Variants in TNRC6C observed in about 807,000 individuals in gnomAD.
TNRC6C encodes trinucleotide repeat containing adaptor 6C, also known as trinucleotide repeat-containing gene 6C protein.
TNRC6C carries 20 observed loss-of-function variants against 153.7 expected under a neutral mutation model. The observed-to-expected ratio is 0.13, with a 90% CI of 0.09 to 0.19. The LOEUF (loss-of-function observed/expected upper bound fraction) is 0.19. Among genes scored for constraint, TNRC6C ranks in the 10% least tolerant of loss-of-function variants. The probability of loss-of-function intolerance (pLI) is 1.00; values close to 1 mark genes in which losing one functional copy is unlikely to be tolerated. For missense variants in TNRC6C, 1,987 were observed against 2,172.0 expected (o/e 0.91, Z 1.69); for synonymous variants, 811 against 841.4 (o/e 0.96, Z 0.63).
In TNRC6C at chr17:78,051,141, CG is replaced by C; in HGVS notation, c.2085del (p.Pro696ArgfsTer47). 2 of 1,575,694 alleles carry C rather than the reference CG, an allele frequency of 1.3e-6. No homozygotes were observed. Among genetic ancestry groups the C allele is most frequent in the South Asian group, 1.2e-5 (1 of 83,696 alleles). ...TGAAACAGACAGGAACAGGGTGGAT[CG>C]GGGGGCCGGTACCGGTCAAACAGAA... is the stretch of plus-strand genomic sequence containing the variant. On this transcript the variant is annotated frameshift_variant, in exon 3 of 20. Coordinates refer to ENST00000301624, the Ensembl canonical transcript of TNRC6C. LOFTEE classifies it high-confidence loss of function.
intron 2 of TNRC6C, among the ~76,000 whole-genome samples, chr17:78,042,199 C>T (rs1405925884): frequency 6.6e-6 from 1 of 152,190 alleles, no homozygotes; most frequent in Non-Finnish European, 1.5e-5. Context: ...AACCACTTAA[C>T]AGCAGAAGAA....
At chr17:77,997,143 G>C (rs1198428364) in intron 1 of TNRC6C, among the ~76,000 whole-genome samples, 1 of 152,210 alleles carries the variant, frequency 6.6e-6, no homozygotes, top group Non-Finnish European at 1.5e-5. Context: ...CTTAAGAAGC[G>C]TGGTCAGTTC....
intron 17 of TNRC6C, among the ~76,000 whole-genome samples, chr17:78,100,770 C>CTTTTTTTTT (rs56816459): frequency 1.2e-4 from 12 of 104,028 alleles, no homozygotes; most frequent in East Asian, 2.6e-4. Flanking sequence ...ATGGGATTTC[C>CTTTTTTTTT]TTTTTTTTTT....
At chr17:78,099,372 G>T (rs1487568140) in intron 17 of TNRC6C, among the ~76,000 whole-genome samples, 1 of 152,190 alleles carries the variant, frequency 6.6e-6, no homozygotes, top group Non-Finnish European at 1.5e-5. Context: ...AGACATACCC[G>T]AGACTGGGCA....
chr17:78,031,445 C>T, intron 1 of TNRC6C, 71 bp from the exon 4 acceptor site: 2 of 1,144,894 alleles, frequency 1.7e-6, no homozygotes, highest in Non-Finnish European at 2.2e-6. Context: ...GTTATGGTTT[C>T]CTTGGTTTGG....
chr17:77,968,142 C>G (rs960386457), intron 1 of TNRC6C, among the ~76,000 whole-genome samples: 1 of 152,146 alleles, frequency 6.6e-6, no homozygotes, highest in African/African-American at 2.4e-5. Flanking sequence ...AAGCGATTCT[C>G]CTCCCTCAGC....
intron 1 of TNRC6C, among the ~76,000 whole-genome samples, chr17:78,017,317 T>TC (rs72080602): frequency 0.071 from 10,779 of 152,244 alleles, 958 homozygotes; most frequent in African/African-American, 0.22. Context: ...GTGCTCCCAC[T>TC]CCTGCTCTCC....
At chr17:78,041,731 C>T (rs929935672) in intron 2 of TNRC6C, among the ~76,000 whole-genome samples, 1 of 152,168 alleles carries the variant, frequency 6.6e-6, no homozygotes, top group Non-Finnish European at 1.5e-5. Context: ...GCTGTTGTAG[C>T]ATTTATCCTG....
intron 1 of TNRC6C, among the ~76,000 whole-genome samples, chr17:78,006,554 T>TCTTCTTCTTCTTC (rs1567910982): frequency 6.3e-5 from 4 of 63,556 alleles, no homozygotes; most frequent in African/African-American, 1.9e-4. Flanking sequence ...TTCTTCTTCT[T>TCTTCTTCTTCTTC]CTTCTTCCTT....
intron 1 of TNRC6C, among the ~76,000 whole-genome samples, chr17:77,976,789 C>T (rs1485458223): frequency 2.0e-5 from 3 of 151,616 alleles, no homozygotes; most frequent in African/African-American, 4.8e-5. Context: ...ATTATCTGGG[C>T]GTGGTGGCAG....
exon 14 of TNRC6C, chr17:78,091,594 C>A (rs1287010511): frequency 1.9e-6 from 3 of 1,556,128 alleles, no homozygotes; most frequent in East Asian, 2.4e-5. Flanking sequence ...TGGAGCAGAA[C>A]CCTAGCAAGC....
At chr17:78,038,213 A>G (rs1390449303) in intron 2 of TNRC6C, among the ~76,000 whole-genome samples, 1 of 152,256 alleles carries the variant, frequency 6.6e-6, no homozygotes, top group Admixed American at 6.5e-5. Context: ...GAATATGAAT[A>G]AAATCTGAGA....
At position 78,051,690 on chromosome 17, in the gene TNRC6C, G is replaced by A. The variant is rs1451077354; in HGVS notation, c.2395+233G>A. ...TTAAGCACACTCAGTAGAACATCAA[G>A]CGAATGTTTTGGTGGTGGCGGTGGT... On this transcript the variant is annotated intron_variant, in intron 3 of 19. Transcript: ENST00000301624. Among the ~76,000 whole-genome samples, 6 of 152,138 alleles carry A rather than the reference G, an allele frequency of 3.9e-5. No homozygotes were observed. The South Asian group carries it at 1.0e-3, about 26-fold the overall frequency.
intron 1 of TNRC6C, among the ~76,000 whole-genome samples, chr17:77,961,071 T>C (rs537677110): frequency 4.6e-5 from 7 of 152,060 alleles, no homozygotes; most frequent in African/African-American, 1.7e-4. Context: ...GTTTTTATTA[T>C]AAGGATCTGA....
At chr17:77,983,275 A>G (rs1029923721) in intron 1 of TNRC6C, among the ~76,000 whole-genome samples, 1 of 152,210 alleles carries the variant, frequency 6.6e-6, no homozygotes, top group Non-Finnish European at 1.5e-5. Flanking sequence ...CAGAGGACAC[A>G]GAAAGGTTCC....
chr17:77,971,494 C>T (rs981341820), intron 1 of TNRC6C, among the ~76,000 whole-genome samples: 2 of 152,164 alleles, frequency 1.3e-5, no homozygotes, highest in Non-Finnish European at 2.9e-5. Context: ...ATCCAGTTGC[C>T]TGTTCCACAT....
intron 2 of TNRC6C, 103 bp downstream of exon 4, chr17:78,031,945 C>G (rs954258924): frequency 1.1e-6 from 1 of 939,420 alleles, no homozygotes; most frequent in African/African-American, 1.7e-5. Flanking sequence ...TCCATACTCA[C>G]AACATACACA....
At position 78,104,953 on chromosome 17, in the gene TNRC6C, CT is replaced by C. The variant is rs1463308756; in HGVS notation, c.*109del. On this transcript the variant is annotated 3_prime_UTR_variant, in exon 20 of 20. Transcript: ENST00000301624. The surrounding 1 kb of genome is among the most constrained non-coding windows in gnomAD (Gnocchi z 6.2). ...CAGCAGCGGCCGCCCTTTTGAGTAC[CT>C]CTGTCCAGGACTGAAGACGAACCTT... is the stretch of plus-strand genomic sequence containing the variant. The C allele has an allele frequency of 3.0e-6, 4 of 1,351,046 alleles. No homozygotes were observed. The African/African-American group carries it at 6.2e-5, about 21-fold the overall frequency. 83.7% of individuals were successfully genotyped at this position (1,351,046 alleles called of 1,614,324 possible).
At chr17:77,993,994 C>T (rs1442180723) in intron 1 of TNRC6C, among the ~76,000 whole-genome samples, 1 of 151,642 alleles carries the variant, frequency 6.6e-6, no homozygotes, top group Non-Finnish European at 1.5e-5. Context: ...GGCGTTTGAG[C>T]CCAACCTGGT....
Sources: allele counts gnomAD v4.1 joint callset (sites outside exome capture counted in the v4.1 genomes callset), GRCh38; gene constraint gnomAD v4.1.1; non-coding constraint Gnocchi (gnomAD v3.1); transcripts MANE v1.5; gene names NCBI Gene and HGNC (gene_info 2026-07-23, HGNC 2026-07-21).